The following NBAS variants were observed in gnomAD, a reference collection of about 807,000 sequenced individuals.
NBAS encodes the protein NBAS subunit of NRZ tethering complex, also known as NAG/BC035112 fusion.
NBAS carries 219 observed loss-of-function variants against 302.5 expected under a neutral mutation model. That is an observed-to-expected ratio of 0.72 (90% CI 0.65 to 0.81). The LOEUF (loss-of-function observed/expected upper bound fraction) is 0.81, where lower values mean the gene tolerates loss of function less well. Ranked by LOEUF, NBAS falls within the 30% of genes least tolerant of loss-of-function variation. The pLI is 0.00. For synonymous variants in NBAS, 1,118 were observed against 1,021.6 expected, an observed-to-expected ratio of 1.09 and a Z score of -1.80; for missense variants, 2,932 against 2,841.6, an observed-to-expected ratio of 1.03 and a Z score of -0.72.
At chr2:15,238,969 A>C (rs1450401495) in intron 44 of NBAS, among the ~76,000 whole-genome samples, 1 of 152,198 alleles carries the variant, frequency 6.6e-6, no homozygotes, top group Non-Finnish European at 1.5e-5. Context: ...TGCAAAAATG[A>C]GGAGTCATTT....
At chr2:15,063,042 G>A in the NBAS span, among the ~76,000 whole-genome samples, 1 of 152,154 alleles carries the variant, frequency 6.6e-6, no homozygotes, top group African/African-American at 2.4e-5. Flanking sequence ...ACTTCAAATG[G>A]TTTGTCTATG....
At chr2:15,499,609 T>C (rs1346624271) in intron 11 of NBAS, among the ~76,000 whole-genome samples, 1 of 152,062 alleles carries the variant, frequency 6.6e-6, no homozygotes, top group African/African-American at 2.4e-5. Flanking sequence ...CTGAGGTCTA[T>C]GAGCAGGTGG....
intron 4 of NBAS, 59 bp downstream of exon 4, chr2:15,554,002 C>T: frequency 1.4e-6 from 2 of 1,429,046 alleles, no homozygotes; most frequent in Non-Finnish European, 2.0e-6. Flanking sequence ...AATTAACGTC[C>T]ATAATGAAAT....
chr2:15,296,007 C>G, intron 40 of NBAS, among the ~76,000 whole-genome samples: 1 of 151,878 alleles, frequency 6.6e-6, no homozygotes. Context: ...AGAGCTTACT[C>G]TAAAAGAATT....
At chr2:15,118,914 C>T in the NBAS span, among the ~76,000 whole-genome samples, 7 of 152,186 alleles carry the variant, frequency 4.6e-5, no homozygotes, top group Non-Finnish European at 1.0e-4. Flanking sequence ...CAATTCACAA[C>T]TAAACAACTA....
At chr2:15,404,505 T>A (rs1196458229) in intron 25 of NBAS, among the ~76,000 whole-genome samples, 1 of 151,968 alleles carries the variant, frequency 6.6e-6, no homozygotes, top group Non-Finnish European at 1.5e-5. Context: ...AATCACTTTT[T>A]TTTTTAATTT....
chr2:15,539,175 T>C (rs375569819), intron 7 of NBAS, 48 bp downstream of exon 7: 9 of 1,610,632 alleles, frequency 5.6e-6, no homozygotes, highest in Admixed American at 3.3e-5. Context: ...TACCTATACA[T>C]ACATGACATT....
chr2:14,870,808 A>C, the NBAS span, among the ~76,000 whole-genome samples: 4 of 152,190 alleles, frequency 2.6e-5, no homozygotes, highest in Non-Finnish European at 5.9e-5. Context: ...GAAGCAACCC[A>C]AAATTACACA....
intron 9 of NBAS, among the ~76,000 whole-genome samples, chr2:15,523,912 T>A (rs1662797470): frequency 6.6e-6 from 1 of 152,132 alleles, no homozygotes; most frequent in Non-Finnish European, 1.5e-5. Flanking sequence ...AGATTCTGTC[T>A]CTAAATAAAT....
intron 51 of NBAS, among the ~76,000 whole-genome samples, chr2:15,172,338 C>T (rs1302467718): frequency 6.6e-6 from 1 of 152,152 alleles, no homozygotes; most frequent in Non-Finnish European, 1.5e-5. Context: ...AGAGTTATAA[C>T]AGCTTCCCAC....
At chr2:14,867,917 C>T in the NBAS span, among the ~76,000 whole-genome samples, 3 of 152,246 alleles carry the variant, frequency 2.0e-5, no homozygotes, top group Non-Finnish European at 1.5e-5. Context: ...TCACGACAGC[C>T]ATGCAGAGGC....
chr2:15,525,918 A>T (rs1281449643), intron 9 of NBAS, among the ~76,000 whole-genome samples: 2 of 152,206 alleles, frequency 1.3e-5, no homozygotes, highest in African/African-American at 2.4e-5. Context: ...AACCTAACTC[A>T]TTAAGTGTTA....
At chr2:15,479,776 G>C (rs1680347366) in intron 12 of NBAS, among the ~76,000 whole-genome samples, 1 of 152,152 alleles carries the variant, frequency 6.6e-6, no homozygotes, top group African/African-American at 2.4e-5. Context: ...TAAATAATGG[G>C]CAGCTCCTGT....
At chr2:15,091,499 G>C in the NBAS span, among the ~76,000 whole-genome samples, 1 of 151,414 alleles carries the variant, frequency 6.6e-6, no homozygotes, top group Non-Finnish European at 1.5e-5. Flanking sequence ...GCTTTGCTTT[G>C]TTGTTTTTTC....
At position 15,457,895 on chromosome 2, in the gene NBAS, C is replaced by A. The variant is rs1572881427; in HGVS notation, c.2339+3306G>T. On this transcript the variant is annotated intron_variant, in intron 21 of 51. Transcript: ENST00000281513. ...TTCTGTCCTTAACGATGGGTTGAAA[C>A]AGCAGTTGAATCCTTCAGGTCCTCG... 2.6e-5 allele frequency among the ~76,000 whole-genome samples: 4 copies of A among 152,350 alleles called. No homozygotes were observed. The South Asian group carries it at 8.3e-4, about 32-fold the overall frequency.
chr2:15,290,274 A>G (rs1282587715), intron 41 of NBAS, among the ~76,000 whole-genome samples: 1 of 152,200 alleles, frequency 6.6e-6, no homozygotes, highest in Non-Finnish European at 1.5e-5. Flanking sequence ...CCAGCTCCAC[A>G]GTAGAAGAGG....
At chr2:15,392,396 A>G (rs1186241648) in intron 28 of NBAS, among the ~76,000 whole-genome samples, 2 of 151,934 alleles carry the variant, frequency 1.3e-5, no homozygotes, top group Non-Finnish European at 2.9e-5. Flanking sequence ...AAGAAAAACT[A>G]TTAGAGCTAA....
intron 44 of NBAS, among the ~76,000 whole-genome samples, chr2:15,249,473 C>T (rs746675518): frequency 1.1e-4 from 16 of 151,956 alleles, no homozygotes; most frequent in South Asian, 2.1e-4. Context: ...AGGGCAATCA[C>T]GCAAGAGAAA....
At chr2:15,348,841 G>A (rs1673217450) in intron 35 of NBAS, among the ~76,000 whole-genome samples, 1 of 152,122 alleles carries the variant, frequency 6.6e-6, no homozygotes, top group East Asian at 1.9e-4. Context: ...ACACAGAGAT[G>A]GCATACCTCC....
Sources: allele counts gnomAD v4.1 joint callset (sites outside exome capture counted in the v4.1 genomes callset), GRCh38; gene constraint gnomAD v4.1.1; transcripts MANE v1.5; gene names NCBI Gene and HGNC (gene_info 2026-07-23, HGNC 2026-07-21).